NLRP8: variants seen among roughly 807,000 people sequenced by gnomAD.
NLRP8 encodes the protein NLR family pyrin domain containing 8.
A neutral mutation model predicts 88.7 loss-of-function variants in NLRP8; 86 were observed. The observed-to-expected ratio is 0.97, with a 90% CI of 0.81 to 1.16. NLRP8 has a LOEUF of 1.16. NLRP8 is among the 50% of genes most tolerant of loss of function. The pLI, the probability that NLRP8 is intolerant of heterozygous loss-of-function variation, is 0.00. For missense variants in NLRP8, 1,342 were observed against 1,286.5 expected, an observed-to-expected ratio of 1.04 and a Z score of -0.66; for synonymous variants, 504 against 494.6, an observed-to-expected ratio of 1.02 and a Z score of -0.25.
At chr19:55,958,399 T>C (rs1321979921) in intron 3 of NLRP8, among the ~76,000 whole-genome samples, 2 of 152,202 alleles carry the variant, frequency 1.3e-5, no homozygotes, top group Admixed American at 6.5e-5. Context: ...TTTCAAGTAA[T>C]TTAAGTTCTG....
At chr19:55,971,911 T>G (rs1048571634) in intron 6 of NLRP8, among the ~76,000 whole-genome samples, 10 of 152,154 alleles carry the variant, frequency 6.6e-5, no homozygotes, top group African/African-American at 2.2e-4. Flanking sequence ...TTTCCTTGAT[T>G]ACTAGCGACT....
intron 9 of NLRP8, chr19:55,987,671 A>C: frequency 1.6e-6 from 1 of 624,252 alleles, no homozygotes; most frequent in East Asian, 2.8e-5. Context: ...CTGCTTTCTA[A>C]TCATTCAGGA....
intron 9 of NLRP8, among the ~76,000 whole-genome samples, chr19:55,983,048 T>C (rs1469120734): frequency 6.6e-6 from 1 of 152,120 alleles, no homozygotes; most frequent in East Asian, 1.9e-4. Flanking sequence ...TCAAACCAAA[T>C]AATGGTAGAA....
At position 55,975,478 on chromosome 19, in the gene NLRP8, A is replaced by G. The variant is rs143745048; in HGVS notation, c.2706-655A>G. 3.5e-4 allele frequency among the ~76,000 whole-genome samples: 53 copies of G among 152,350 alleles called. No homozygotes were observed. In the East Asian group the frequency reaches 9.8e-3, roughly 28 times the overall value. On this transcript the variant is annotated intron_variant, in intron 7 of 9. Coordinates refer to ENST00000291971, the MANE Select transcript of NLRP8 (RefSeq NM_176811.2). ...CACCTCCACATGAAAACCTGCACAC[A>G]GTTCACAGCAGCATTATTCATAGTA...
In NLRP8 at chr19:55,987,853, A is replaced by T. The variant is rs1466984894; in HGVS notation, c.3087A>T (p.Pro1029=). Reference sequence around the variant, plus strand: ...GGACTCGAATAACTAGCTTCTCCCCAACTCCTCACCCACCCGACTTCACGG... The same window carrying T: ...GGACTCGAATAACTAGCTTCTCCCCTACTCCTCACCCACCCGACTTCACGG... The change falls in exon 10 of 10, where the codon CCA becomes CCT. Residue 1029 remains proline, a synonymous_variant. Transcript: ENST00000291971. 19 of 1,613,986 alleles carry T rather than the reference A, an allele frequency of 1.2e-5. No homozygotes were observed. Among genetic ancestry groups the T allele is most frequent in the Non-Finnish European group, 1.4e-5 (17 of 1,179,976 alleles).
intron 9 of NLRP8, among the ~76,000 whole-genome samples, chr19:55,982,311 C>G (rs1980608840): frequency 6.6e-6 from 1 of 152,154 alleles, no homozygotes. Flanking sequence ...CCAAAGAAAT[C>G]AGTAAATCAG....
intron 1 of NLRP8, among the ~76,000 whole-genome samples, 159 bp from the exon 2 acceptor site, chr19:55,952,379 T>A (rs1979133696): frequency 6.6e-6 from 1 of 152,202 alleles, no homozygotes; most frequent in South Asian, 2.1e-4. Flanking sequence ...TAGAGATAGA[T>A]CTAGGTGATT....
At chr19:55,969,455 A>G (rs1273815362) in intron 5 of NLRP8, among the ~76,000 whole-genome samples, 1 of 152,216 alleles carries the variant, frequency 6.6e-6, no homozygotes, top group Non-Finnish European at 1.5e-5. Flanking sequence ...TTCATGGCTG[A>G]GTAGTATTCC....
intron 3 of NLRP8, among the ~76,000 whole-genome samples, chr19:55,961,801 T>C (rs1026995390): frequency 2.6e-5 from 4 of 152,056 alleles, no homozygotes; most frequent in African/African-American, 9.7e-5. Context: ...TTGTCTCAAA[T>C]ATAAATAAAT....
Position 55,948,075 on chromosome 19 carries a change from A to C in NLRP8, c.173A>C (p.Gln58Pro), listed in dbSNP as rs545828648. ...CATGAGGAGCTACAACGGTTCAAGC[A>C]GCTCTTACTGACTGAGCTCAGTACT... Residue 58 changes from glutamine to proline, a missense_variant, in exon 1 of 10, where the codon CAG (glutamine) becomes CCG (proline). Physicochemically the swap from Gln to Pro is moderately conservative, Grantham distance 76. Coordinates refer to ENST00000291971, the MANE Select transcript of NLRP8 (RefSeq NM_176811.2). 9 of 1,614,108 alleles carry C rather than the reference A, an allele frequency of 5.6e-6. No individual in the cohort carries two copies. The South Asian group carries it at 8.8e-5, about 16-fold the overall frequency.
At chr19:55,976,653 G>A (rs773345280) in intron 8 of NLRP8, among the ~76,000 whole-genome samples, 3 of 135,706 alleles carry the variant, frequency 2.2e-5, no homozygotes, top group South Asian at 2.4e-4. Flanking sequence ...TATCTGAGAT[G>A]ACTGGTCTGA....
rs1205445134 is a variant in NLRP8 at position 55,970,650 on chromosome 19, A to G, written c.2488A>G (p.Asn830Asp). ...CATACTAAGAAAAAACTCCCTGGAG[A>G]ACTGTGGGGCGTATTACCTGTCTGT... Residue 830 changes from asparagine (N) to aspartate (D), a missense_variant, in exon 6 of 10, where the codon AAC (asparagine) becomes GAC (aspartate). Coordinates refer to ENST00000291971, the MANE Select transcript of NLRP8 (RefSeq NM_176811.2). 4 of 1,614,058 alleles carry G rather than the reference A, an allele frequency of 2.5e-6. No individual in the cohort carries two copies.
At chr19:55,977,027 C>A (rs1980371025) in intron 8 of NLRP8, among the ~76,000 whole-genome samples, 1 of 147,882 alleles carries the variant, frequency 6.8e-6, no homozygotes, top group African/African-American at 2.5e-5. Flanking sequence ...TTGCAGTGAG[C>A]CGAGATCACA....
At chr19:55,957,365 G>T (rs372551156) in intron 3 of NLRP8, among the ~76,000 whole-genome samples, 2 of 151,972 alleles carry the variant, frequency 1.3e-5, no homozygotes, top group Admixed American at 6.6e-5. Context: ...CTTTCTTTCC[G>T]TGTAAAAATA....
chr19:55,970,476 T>C, intron 5 of NLRP8, 68 bp from the exon 6 acceptor site: 3 of 1,541,932 alleles, frequency 1.9e-6, no homozygotes, highest in Non-Finnish European at 2.7e-6. Context: ...GACAGTGGAA[T>C]CCAGGAGGTC....
chr19:55,987,608 C>T (rs567272000), intron 9 of NLRP8, among the ~76,000 whole-genome samples: 100 of 152,264 alleles, frequency 6.6e-4, no homozygotes, highest in African/African-American at 2.4e-3. Flanking sequence ...GGGTAGAAAG[C>T]AGCAAATCAT....
intron 9 of NLRP8, among the ~76,000 whole-genome samples, chr19:55,981,916 T>G (rs957514110): frequency 6.6e-6 from 1 of 152,112 alleles, no homozygotes. Flanking sequence ...TTTGTTTTTT[T>G]TTTTGAGATG....
chr19:55,977,558 ATATT>A (rs1182239119), intron 8 of NLRP8, among the ~76,000 whole-genome samples: 2 of 146,152 alleles, frequency 1.4e-5, no homozygotes, highest in Non-Finnish European at 3.0e-5. Context: ...TTATATTAAT[ATATT>A]TATATATGAA....
chr19:55,964,946 A>G (rs927096833), intron 4 of NLRP8, among the ~76,000 whole-genome samples: 14 of 152,166 alleles, frequency 9.2e-5, no homozygotes, highest in Non-Finnish European at 1.6e-4. Flanking sequence ...AGCAGTGAAC[A>G]TAAGCATTAG....
Sources: gnomAD v4.1 joint callset for allele counts (sites outside exome capture counted in the v4.1 genomes callset) on GRCh38, gnomAD v4.1.1 for gene constraint, MANE v1.5 for transcripts, NCBI Gene and HGNC (gene_info 2026-07-23, HGNC 2026-07-21) for gene names.